ABCA13: variants seen among roughly 807,000 people sequenced by gnomAD.
ABCA13 encodes the protein ATP binding cassette subfamily A member 13.
A neutral mutation model predicts 478.7 loss-of-function variants in ABCA13; 476 were observed. The ratio of observed to expected loss-of-function variants is 0.99; its 90% CI spans 0.92 to 1.07. The LOEUF (loss-of-function observed/expected upper bound fraction) is 1.07, where lower values mean the gene tolerates loss of function less well. ABCA13 is among the 50% of genes least tolerant of loss of function. ABCA13 has a pLI of 0.00. For synonymous variants in ABCA13, 2,252 were observed against 2,158.9 expected (o/e 1.04, Z -1.20); for missense variants, 6,060 against 5,910.6 (o/e 1.03, Z -0.83).
chr7:48,470,724 T>C (rs1448293018), intron 44 of ABCA13, among the ~76,000 whole-genome samples: 4 of 152,230 alleles, frequency 2.6e-5, no homozygotes, highest in South Asian at 4.1e-4. Context: ...GGCTTTCTCA[T>C]TGGAGCAGCA....
At chr7:48,212,526 A>G (rs1312422471) in intron 3 of ABCA13, among the ~76,000 whole-genome samples, 1 of 152,228 alleles carries the variant, frequency 6.6e-6, no homozygotes, top group Non-Finnish European at 1.5e-5. Flanking sequence ...TTTGTTCGAA[A>G]GTGTTGTGCA....
At chr7:48,459,171 G>T (rs569495906) in intron 43 of ABCA13, among the ~76,000 whole-genome samples, 1 of 152,276 alleles carries the variant, frequency 6.6e-6, no homozygotes, top group East Asian at 1.9e-4. Context: ...AATTAGAGGA[G>T]GGTGGTGCAT....
chr7:48,179,729 G>A (rs1795400444), intron 1 of ABCA13, among the ~76,000 whole-genome samples: 2 of 152,288 alleles, frequency 1.3e-5, no homozygotes, highest in African/African-American at 2.4e-5. Context: ...GGCCTGCTAC[G>A]AAAGATCCCA....
intron 23 of ABCA13, among the ~76,000 whole-genome samples, chr7:48,309,033 G>GCACACACCCA (rs1554432225): frequency 2.2e-5 from 3 of 138,050 alleles, no homozygotes; most frequent in Non-Finnish European, 4.6e-5. Flanking sequence ...ACACATGACT[G>GCACACACCCA]CACACACACA....
chr7:48,406,359 T>C (rs1397225900), intron 39 of ABCA13, among the ~76,000 whole-genome samples: 2 of 152,134 alleles, frequency 1.3e-5, no homozygotes, highest in African/African-American at 2.4e-5. Context: ...CATTTGCAAA[T>C]AGAGACAATT....
At chr7:48,557,931 T>C (rs1276581492) in intron 55 of ABCA13, among the ~76,000 whole-genome samples, 1 of 152,170 alleles carries the variant, frequency 6.6e-6, no homozygotes, top group African/African-American at 2.4e-5. Context: ...TCAATAACTC[T>C]TAGATTTGCC....
At chr7:48,292,941 G>A (rs1309314247) in intron 20 of ABCA13, among the ~76,000 whole-genome samples, 1 of 152,178 alleles carries the variant, frequency 6.6e-6, no homozygotes, top group African/African-American at 2.4e-5. Flanking sequence ...TTTTTTGAAT[G>A]AATGAATGAA....
At chr7:48,341,307 C>T (rs1807125358) in intron 29 of ABCA13, among the ~76,000 whole-genome samples, 1 of 152,144 alleles carries the variant, frequency 6.6e-6, no homozygotes, top group Non-Finnish European at 1.5e-5. Flanking sequence ...CCCTACCATG[C>T]TCCACCTGGG....
chr7:48,494,857 A>G (rs1435480378), intron 48 of ABCA13, among the ~76,000 whole-genome samples: 1 of 152,216 alleles, frequency 6.6e-6, no homozygotes, highest in African/African-American at 2.4e-5. Context: ...ATTGATTACA[A>G]ACCTCTCTCC....
intron 1 of ABCA13, among the ~76,000 whole-genome samples, chr7:48,174,840 G>A (rs535550644): frequency 6.6e-6 from 1 of 152,044 alleles, no homozygotes; most frequent in East Asian, 1.9e-4. Context: ...TTATTTAATG[G>A]TTTTATTGAA....
intron 41 of ABCA13, among the ~76,000 whole-genome samples, chr7:48,415,192 C>T (rs1325756163): frequency 6.6e-6 from 1 of 152,136 alleles, no homozygotes; most frequent in Non-Finnish European, 1.5e-5. Context: ...ATATTGGAAG[C>T]TAATCATTTG....
chr7:48,497,173 T>C (rs1429599197), intron 48 of ABCA13, among the ~76,000 whole-genome samples: 1 of 152,140 alleles, frequency 6.6e-6, no homozygotes, highest in Non-Finnish European at 1.5e-5. Flanking sequence ...TTTATTTTTT[T>C]CATCTCGAGT....
At chr7:48,592,502 C>G (rs1287364100) in intron 57 of ABCA13, among the ~76,000 whole-genome samples, 1 of 151,828 alleles carries the variant, frequency 6.6e-6, no homozygotes, top group African/African-American at 2.4e-5. Context: ...AATATATGGT[C>G]TCTCCTGGAG....
intron 41 of ABCA13, among the ~76,000 whole-genome samples, chr7:48,420,433 A>G (rs1475740468): frequency 6.6e-6 from 1 of 152,204 alleles, no homozygotes; most frequent in Non-Finnish European, 1.5e-5. Flanking sequence ...TATGGAATAT[A>G]TTTTCGGCAA....
intron 43 of ABCA13, among the ~76,000 whole-genome samples, chr7:48,457,616 A>C (rs116983455): frequency 4.9e-4 from 74 of 152,362 alleles, no homozygotes; most frequent in Non-Finnish European, 9.3e-4. Flanking sequence ...TTACTATTTT[A>C]AATTGAGATA....
intron 1 of ABCA13, among the ~76,000 whole-genome samples, chr7:48,178,451 G>C (rs1335623974): frequency 6.6e-6 from 1 of 152,046 alleles, no homozygotes; most frequent in Non-Finnish European, 1.5e-5. Flanking sequence ...GAGGAGGGCG[G>C]ATCACCTGAA....
chr7:48,232,139 A>ATTTTTTTTTTGTTTTT (rs1789206218), intron 7 of ABCA13, among the ~76,000 whole-genome samples: 1 of 51,318 alleles, frequency 1.9e-5, no homozygotes, highest in Non-Finnish European at 3.6e-5. Flanking sequence ...CCCACATGGA[A>ATTTTTTTTTTGTTTTT]TTTTTTTTTT....
At chr7:48,253,195 G>A (rs1008282595) in intron 15 of ABCA13, among the ~76,000 whole-genome samples, 27 of 152,198 alleles carry the variant, frequency 1.8e-4, no homozygotes, top group African/African-American at 6.3e-4. Context: ...ACTCCCTGCA[G>A]CTCTAACATG....
In ABCA13 at chr7:48,630,310, C is replaced by T. The variant is rs115028900; in HGVS notation, c.14838-12978C>T. Among the ~76,000 whole-genome samples, 1,310 of 152,232 alleles carry T rather than the reference C, an allele frequency of 8.6e-3. 24 individuals carry two copies. The highest frequency in any genetic ancestry group is 0.03 in the African/African-American group (1,233 of 41,540). The stretch of plus-strand genomic sequence containing the variant: ...GTAGTTTCTCAATCCTCACTCTCCT[C>T]CCATCCTCCACCCTCAAGTAGGCTC... On this transcript the variant is annotated intron_variant, in intron 59 of 61. Transcript: ENST00000435803.
Sources: gnomAD v4.1 joint callset for allele counts (sites outside exome capture counted in the v4.1 genomes callset) on GRCh38, gnomAD v4.1.1 for gene constraint, MANE v1.5 for transcripts, NCBI Gene and HGNC (gene_info 2026-07-23, HGNC 2026-07-21) for gene names.